The following CDK16 variants were observed in gnomAD, a reference collection of about 807,000 sequenced individuals.
The protein encoded by CDK16 is cyclin-dependent kinase 16.
CDK16 carries 2 observed loss-of-function variants against 41.6 expected under a neutral mutation model. The observed-to-expected ratio is 0.05, with a 90% CI of 0.02 to 0.15. The LOEUF (loss-of-function observed/expected upper bound fraction) is 0.15, where lower values mean the gene tolerates loss of function less well. CDK16 is among the 10% of genes least tolerant of loss of function. The pLI is 1.00. For missense variants in CDK16, 228 were observed against 428.9 expected (o/e 0.53, Z 4.14); for synonymous variants, 169 against 169.7 (o/e 1.00, Z 0.03).
Position 47,229,353 on chromosome X carries a change from C to T in CDK16, c.*585C>T, listed in dbSNP as rs1377647515. On this transcript the variant is annotated 3_prime_UTR_variant, in exon 16 of 16. Transcript: ENST00000357227. The stretch of plus-strand genomic sequence containing the variant: ...CAGACTGGCTGGGCCCCACCCCCTG[C>T]GTGTGGCCCTCCCACAGTATTTTGT... The T allele has an allele frequency of 6.3e-6, 2 of 318,407 alleles. No individual in the cohort carries two copies. The highest frequency in any genetic ancestry group is 5.5e-5 in the South Asian group (2 of 36,132). 26.2% of individuals were successfully genotyped at this position (318,407 alleles called of 1,213,427 possible). A position where few individuals can be genotyped will look rare whatever the true frequency, so the allele number is the denominator to read the frequency against.
Position 47,220,631 on chromosome X carries a change from G to A in CDK16, c.-7+1526G>A, listed in dbSNP as rs781369149. On this transcript the variant is annotated intron_variant, in intron 1 of 15. Coordinates refer to ENST00000357227, the MANE Select transcript of CDK16 (RefSeq NM_006201.5). ...GAGGCAGGACTGTGTGAGGCCCGGC[G>A]TGTGCTAATAGAAATCAGGCCTGAG... Among the ~76,000 whole-genome samples the A allele has an allele frequency of 1.6e-4, 18 of 110,031 alleles. No homozygotes were observed. In the South Asian group the frequency reaches 7.0e-3, roughly 43 times the overall value.
chrX:47,220,396 T>A (rs1937286146), intron 1 of CDK16, among the ~76,000 whole-genome samples: 1 of 106,807 alleles, frequency 9.4e-6, no homozygotes, highest in Admixed American at 1.0e-4. Context: ...TGGAGATATC[T>A]CTGAGCAGAG....
At chrX:47,220,372 A>G (rs1334474353) in intron 1 of CDK16, among the ~76,000 whole-genome samples, 2 of 106,851 alleles carry the variant, frequency 1.9e-5, no homozygotes, top group African/African-American at 6.9e-5. Flanking sequence ...GTGAACCAAC[A>G]AGGATTATAT....
At chrX:47,226,449 T>C in intron 9 of CDK16, 47 bp downstream of exon 9, 4 of 1,200,272 alleles carry the variant, frequency 3.3e-6, no homozygotes, top group Non-Finnish European at 4.5e-6. Context: ...CCTCCTACTT[T>C]CCCATGACCA....
intron 1 of CDK16, among the ~76,000 whole-genome samples, chrX:47,219,907 G>T (rs782565042): frequency 9.0e-6 from 1 of 110,703 alleles, no homozygotes; most frequent in Non-Finnish European, 1.9e-5. Flanking sequence ...GGTATCTAAC[G>T]GAGGAAGGAC....
intron 12 of CDK16, 33 bp from the exon 13 acceptor site, chrX:47,227,148 A>G (rs1937567691): frequency 8.3e-7 from 1 of 1,207,607 alleles, no homozygotes; most frequent in Non-Finnish European, 1.1e-6. Context: ...GTCCAAACTC[A>G]TTTTAAATCA....
At chrX:47,228,223 T>C in intron 14 of CDK16, 1 of 177,478 alleles carries the variant, frequency 5.6e-6, no homozygotes, top group Non-Finnish European at 1.1e-5. Context: ...AACAATATTA[T>C]TATCAAACCT....
In CDK16 at chrX:47,228,832, C is replaced by T. The variant is rs1177023321; in HGVS notation, c.*64C>T. 9.5e-7 allele frequency: 1 copy of T among 1,057,535 alleles called. No homozygotes were observed. Among genetic ancestry groups the T allele is most frequent in the Non-Finnish European group, 1.3e-6 (1 of 765,459 alleles). The allele number at this position is 1,057,535 out of a possible 1,213,427, so 87.2% of individuals were successfully genotyped here. A position where few individuals can be genotyped will look rare whatever the true frequency, so the allele number is the denominator to read the frequency against. On this transcript the variant is annotated 3_prime_UTR_variant, in exon 16 of 16. Transcript: ENST00000357227. ...ATGCCACACCCCTCACAGGGCAGCC[C>T]CCAACTACATCTTCCCTGCTTACTC...
At chrX:47,226,068 A>G in intron 8 of CDK16, 41 bp downstream of exon 8, 6 of 1,145,850 alleles carry the variant, frequency 5.2e-6, no homozygotes, top group Non-Finnish European at 7.1e-6. Context: ...GGGGGCCCCC[A>G]CTCACCCACT....
chrX:47,225,193 C>T (rs1937517507), intron 6 of CDK16, 91 bp downstream of exon 6: 4 of 569,671 alleles, frequency 7.0e-6, no homozygotes, highest in South Asian at 5.9e-5. Context: ...GTTCTAAGAC[C>T]CCCCAAAACA....
At chrX:47,218,643 C>G, upstream of CDK16, 1 of 1,167,162 alleles carries the variant, frequency 8.6e-7, no homozygotes, top group Middle Eastern at 2.3e-4. Flanking sequence ...GCGGACGGGT[C>G]CTTTGGTACA....
At chrX:47,223,166 C>T in intron 1 of CDK16, 1 of 1,157,074 alleles carries the variant, frequency 8.6e-7, no homozygotes, top group Non-Finnish European at 1.1e-6. Flanking sequence ...CCTGGCCGAC[C>T]CATGGCTGGG....
Position 47,223,747 on chromosome X carries a change from A to G in CDK16, c.190A>G (p.Ser64Gly). The G allele has an allele frequency of 8.3e-7, 1 of 1,206,169 alleles. No individual in the cohort carries two copies. Among genetic ancestry groups the G allele is most frequent in the Non-Finnish European group, 1.1e-6 (1 of 892,571 alleles). Residue 64 changes from serine (S) to glycine (G), a missense_variant, in exon 2 of 16, where the codon AGC (serine) becomes GGC (glycine). Physicochemically the swap from Ser to Gly is moderately conservative, Grantham distance 56. This residue lies in a region of CDK16 where 71 missense variants were observed against 102.2 expected (regional missense o/e 0.69). Transcript: ENST00000357227. ...ACTTCGTTCTGCACGGGGCCCACTC[A>G]GCTCTGCACCAGGTGGGTCCACTGG... ...GELRSARGPL[S>G]SAPEIVHEDL...
chrX:47,227,448 C>T lies in CDK16; in HGVS notation c.1354C>T (p.Arg452Trp). The change falls in exon 14 of 16, where the codon CGG becomes TGG. Residue 452 changes from arginine (R) to tryptophan (W), a missense_variant. Physicochemically the swap from Arg to Trp is moderately radical, Grantham distance 101 (BLOSUM62 -3). Around this residue, in one of 3 missense-constraint regions of CDK16, gnomAD observed 91 missense variants for 129.5 expected, o/e 0.70. Transcript: ENST00000357227. The stretch of plus-strand genomic sequence containing the variant: ...TCCATTCTTCCTCAGTCTGGGGGAG[C>T]GGATCCACAAACTTCCTGACAGTGA... ...KHPFFLSLGE[R>W]IHKLPDTTSI... 7 of 1,206,639 alleles carry T rather than the reference C, an allele frequency of 5.8e-6. No individual in the cohort carries two copies. Among genetic ancestry groups the T allele is most frequent in the Non-Finnish European group, 7.9e-6 (7 of 891,222 alleles).
chrX:47,228,453 C>A (rs1206479673), intron 14 of CDK16, 114 bp from the exon 15 acceptor site: 2 of 561,712 alleles, frequency 3.6e-6, no homozygotes, highest in South Asian at 2.8e-5. Context: ...AGATAAAGGT[C>A]AAGCCTCTCA....
intron 13 of CDK16, 62 bp from the exon 14 acceptor site, chrX:47,227,313 AGGTG>A (rs1937573963): frequency 2.8e-6 from 3 of 1,082,718 alleles, no homozygotes; most frequent in Non-Finnish European, 3.8e-6. Flanking sequence ...GCAGGGTCTG[AGGTG>A]GGCAGAGAGA....
In CDK16 at chrX:47,226,197, T is replaced by C. The variant is rs757607165; in HGVS notation, c.793-82T>C. On this transcript the variant is annotated intron_variant, in intron 8 of 15. Transcript: ENST00000357227. ...GACAAGGCTCTGGGCCTAGTGTCTG[T>C]GTTTGGGAGGGGAGCAGTGCCTGCT... The C allele has an allele frequency of 4.3e-6, 5 of 1,172,620 alleles. No homozygotes were observed. In the Admixed American group the frequency reaches 1.1e-4, roughly 26 times the overall value.
chrX:47,226,135 C>T (rs1288964500), intron 8 of CDK16, 108 bp downstream of exon 8: 3 of 1,093,561 alleles, frequency 2.7e-6, no homozygotes, highest in Non-Finnish European at 2.5e-6. Context: ...TTGCTAGGAG[C>T]CCTTGGAGGG....
At chrX:47,222,970 C>CGGGGG in intron 1 of CDK16, 4 of 875,931 alleles carry the variant, frequency 4.6e-6, no homozygotes, top group East Asian at 4.7e-5. Context: ...CCCCCCCCAC[C>CGGGGG]TGGGTAGATG....
Sources: allele counts gnomAD v4.1 joint callset (sites outside exome capture counted in the v4.1 genomes callset), GRCh38; gene constraint gnomAD v4.1.1; regional missense constraint gnomAD v4.1.1; transcripts MANE v1.5; gene names NCBI Gene and HGNC (gene_info 2026-07-23, HGNC 2026-07-21).